Variants in GALNTL6 observed in about 807,000 individuals in gnomAD.
The protein encoded by GALNTL6 is polypeptide N-acetylgalactosaminyltransferase-like 6.
In GALNTL6, 46 loss-of-function variants were observed where a neutral mutation model predicts 73.7. The ratio of observed to expected loss-of-function variants is 0.62; its 90% CI spans 0.49 to 0.80. The LOEUF (loss-of-function observed/expected upper bound fraction) is 0.80. Among genes scored for constraint, GALNTL6 ranks in the 30% least tolerant of loss-of-function variants. GALNTL6 has a pLI of 0.00. For synonymous variants in GALNTL6, 259 were observed against 263.7 expected, an observed-to-expected ratio of 0.98 and a Z score of 0.17; for missense variants, 604 against 755.0, an observed-to-expected ratio of 0.80 and a Z score of 2.34.
At chr4:172,546,086 T>C (rs926752323) in intron 5 of GALNTL6, among the ~76,000 whole-genome samples, 5 of 152,314 alleles carry the variant, frequency 3.3e-5, no homozygotes. Context: ...ATGTACATAA[T>C]GCCACAACAC....
chr4:172,025,556 G>A (rs2110809717), intron 2 of GALNTL6, among the ~76,000 whole-genome samples: 1 of 151,924 alleles, frequency 6.6e-6, no homozygotes, highest in Non-Finnish European at 1.5e-5. Context: ...TAAAAAAAAG[G>A]GAATAGTTGA....
At chr4:172,543,678 T>C (rs534504627) in intron 5 of GALNTL6, among the ~76,000 whole-genome samples, 4 of 152,032 alleles carry the variant, frequency 2.6e-5, no homozygotes, top group African/African-American at 7.2e-5. Flanking sequence ...TTCAAGGGAG[T>C]CTCTTTTCTT....
At chr4:172,084,692 G>A (rs1488614568) in intron 2 of GALNTL6, among the ~76,000 whole-genome samples, 1 of 152,138 alleles carries the variant, frequency 6.6e-6, no homozygotes, top group Non-Finnish European at 1.5e-5. Context: ...ATAGCCCACT[G>A]AATGTATTAA....
chr4:172,693,981 A>G (rs1318139117), intron 5 of GALNTL6, among the ~76,000 whole-genome samples: 2 of 152,216 alleles, frequency 1.3e-5, no homozygotes, highest in African/African-American at 4.8e-5. Flanking sequence ...TATTTAAAAT[A>G]ATTATGACAC....
At chr4:171,912,408 CTTA>C (rs1228806425) in intron 2 of GALNTL6, among the ~76,000 whole-genome samples, 1 of 152,012 alleles carries the variant, frequency 6.6e-6, no homozygotes, top group Non-Finnish European at 1.5e-5. Flanking sequence ...ATCATATTTT[CTTA>C]TTCTTTTCTA....
chr4:172,617,911 C>G (rs1008348686), intron 5 of GALNTL6, among the ~76,000 whole-genome samples: 4 of 152,218 alleles, frequency 2.6e-5, no homozygotes, highest in African/African-American at 9.6e-5. Context: ...TGACAATGTA[C>G]ATTGCCTGAA....
intron 2 of GALNTL6, among the ~76,000 whole-genome samples, chr4:172,148,090 CA>C (rs1317303128): frequency 6.6e-6 from 1 of 151,938 alleles, no homozygotes; most frequent in Non-Finnish European, 1.5e-5. Context: ...CAAAGAATCA[CA>C]AAAAATTTTG....
chr4:172,630,016 A>G (rs962106776), intron 5 of GALNTL6, among the ~76,000 whole-genome samples: 4 of 152,174 alleles, frequency 2.6e-5, no homozygotes, highest in African/African-American at 9.7e-5. Context: ...AGTTAACTAG[A>G]GAATTCAGTG....
At chr4:171,944,909 A>G (rs1195238398) in intron 2 of GALNTL6, among the ~76,000 whole-genome samples, 1 of 151,932 alleles carries the variant, frequency 6.6e-6, no homozygotes, top group Non-Finnish European at 1.5e-5. Flanking sequence ...TGCTTTTATA[A>G]TATTTTATTT....
intron 10 of GALNTL6, among the ~76,000 whole-genome samples, chr4:172,992,034 A>C (rs577680444): frequency 8.5e-5 from 13 of 152,322 alleles, no homozygotes; most frequent in African/African-American, 2.9e-4. Flanking sequence ...CTCCTTTATT[A>C]AATTTAGAAC....
intron 2 of GALNTL6, among the ~76,000 whole-genome samples, chr4:172,050,915 G>A (rs759584788): frequency 5.3e-5 from 8 of 152,114 alleles, no homozygotes; most frequent in South Asian, 4.1e-4. Context: ...AAGAAGGAAC[G>A]CTAGCTAAGA....
At chr4:171,896,995 A>G (rs898826732) in intron 2 of GALNTL6, among the ~76,000 whole-genome samples, 1 of 150,102 alleles carries the variant, frequency 6.7e-6, no homozygotes, top group African/African-American at 2.5e-5. Context: ...TCAATAATAG[A>G]CCGCAATCCA....
chr4:172,194,049 G>A (rs1735672387), intron 2 of GALNTL6, among the ~76,000 whole-genome samples: 1 of 152,122 alleles, frequency 6.6e-6, no homozygotes, highest in African/African-American at 2.4e-5. Context: ...TTGAGCTACA[G>A]GAGTATGTTC....
rs1553976653 is a variant in GALNTL6 at position 171,967,450 on chromosome 4, T to TTTTTTTTTTTTG, written c.138+152743_138+152744insGTTTTTTTTTTT. Among the ~76,000 whole-genome samples the TTTTTTTTTTTTG allele has an allele frequency of 7.0e-3, 939 of 133,302 alleles. 5 individuals are homozygous for TTTTTTTTTTTTG. Among genetic ancestry groups the TTTTTTTTTTTTG allele is most frequent in the Middle Eastern group, 0.016 (4 of 254 alleles). The allele number at this position is 133,302 out of a possible 152,430, so 87.5% of individuals were successfully genotyped here. A position where few individuals can be genotyped will look rare whatever the true frequency, so the allele number is the denominator to read the frequency against. On this transcript the variant is annotated intron_variant, in intron 2 of 12. Coordinates refer to ENST00000506823, the MANE Select transcript of GALNTL6 (RefSeq NM_001034845.3). ...TGTAGTTTTCTTCCCCCTATGGGTT[T>TTTTTTTTTTTTG]TTTTTTTTTTTTTTTGTAGATGTAG...
intron 5 of GALNTL6, among the ~76,000 whole-genome samples, chr4:172,798,392 G>C (rs1182370181): frequency 6.6e-6 from 1 of 152,096 alleles, no homozygotes; most frequent in African/African-American, 2.4e-5. Flanking sequence ...TCATGATGGT[G>C]AGATCTCATG....
intron 5 of GALNTL6, among the ~76,000 whole-genome samples, chr4:172,430,307 AAG>A (rs945989671): frequency 5.3e-5 from 8 of 151,858 alleles, no homozygotes; most frequent in Non-Finnish European, 1.2e-4. Context: ...GAGAGACAGA[AAG>A]AGAGAGAGAG....
chr4:172,135,200 G>C (rs1395791669), intron 2 of GALNTL6, among the ~76,000 whole-genome samples: 1 of 151,990 alleles, frequency 6.6e-6, no homozygotes, highest in African/African-American at 2.4e-5. Context: ...TGATATATTA[G>C]TTTTTATTTT....
chr4:172,426,455 CT>C (rs1731231669), intron 5 of GALNTL6, among the ~76,000 whole-genome samples: 1 of 152,064 alleles, frequency 6.6e-6, no homozygotes, highest in African/African-American at 2.4e-5. Flanking sequence ...TGGCTTTCAG[CT>C]TTCATCCAGT....
intron 2 of GALNTL6, among the ~76,000 whole-genome samples, chr4:171,964,713 T>C (rs558013064): frequency 2.6e-5 from 4 of 152,378 alleles, no homozygotes; most frequent in Non-Finnish European, 5.9e-5. Flanking sequence ...GTGGTGGCTA[T>C]GAAGCAGCAC....
Sources: allele counts gnomAD v4.1 joint callset (sites outside exome capture counted in the v4.1 genomes callset), GRCh38; gene constraint gnomAD v4.1.1; transcripts MANE v1.5; gene names NCBI Gene and HGNC (gene_info 2026-07-23, HGNC 2026-07-21).